KIF6: variants seen among roughly 807,000 people sequenced by gnomAD.
KIF6 encodes the protein kinesin family member 6.
KIF6 carries 106 observed loss-of-function variants against 112.7 expected under a neutral mutation model. The ratio of observed to expected loss-of-function variants is 0.94; its 90% CI spans 0.80 to 1.11. The LOEUF (loss-of-function observed/expected upper bound fraction) is 1.11, where lower values mean the gene tolerates loss of function less well. Among genes scored for constraint, KIF6 ranks in the 50% least tolerant of loss-of-function variants. The pLI is 0.00. For synonymous variants in KIF6, 339 were observed against 339.9 expected, an observed-to-expected ratio of 1.00 and a Z score of 0.03; for missense variants, 929 against 964.0, an observed-to-expected ratio of 0.96 and a Z score of 0.48.
intron 14 of KIF6, among the ~76,000 whole-genome samples, chr6:39,422,055 C>T (rs946642335): frequency 6.6e-6 from 1 of 152,146 alleles, no homozygotes; most frequent in African/African-American, 2.4e-5. Context: ...AGTGACTCCT[C>T]CCATTTCCTG....
intron 3 of KIF6, among the ~76,000 whole-genome samples, chr6:39,643,424 TA>T (rs1335989395): frequency 7.2e-5 from 11 of 152,288 alleles, no homozygotes; most frequent in African/African-American, 2.6e-4. Context: ...CAAAACCTAC[TA>T]CAAAGCTAGA....
intron 15 of KIF6, among the ~76,000 whole-genome samples, chr6:39,400,790 A>G (rs1434575990): frequency 2.0e-5 from 3 of 152,238 alleles, no homozygotes; most frequent in Non-Finnish European, 2.9e-5. Context: ...AGTCAAGGGT[A>G]TCAATGAAGA....
At chr6:39,565,073 T>C (rs1780208878) in intron 10 of KIF6, among the ~76,000 whole-genome samples, 1 of 152,230 alleles carries the variant, frequency 6.6e-6, no homozygotes, top group Non-Finnish European at 1.5e-5. Flanking sequence ...AAAAGCAAAG[T>C]GTCTAATTCT....
intron 13 of KIF6, among the ~76,000 whole-genome samples, chr6:39,464,592 G>C (rs921158594): frequency 3.3e-5 from 5 of 152,114 alleles, no homozygotes; most frequent in African/African-American, 1.2e-4. Flanking sequence ...GCAGCCACTT[G>C]CCTCCTCCTC....
chr6:39,479,953 G>A (rs1774691110), intron 13 of KIF6, among the ~76,000 whole-genome samples: 1 of 152,060 alleles, frequency 6.6e-6, no homozygotes, highest in Admixed American at 6.6e-5. Context: ...ATTTTATGGG[G>A]GAGTCTTTAG....
At chr6:39,477,331 C>A (rs557781312) in intron 13 of KIF6, among the ~76,000 whole-genome samples, 30 of 152,110 alleles carry the variant, frequency 2.0e-4, no homozygotes, top group African/African-American at 7.0e-4. Context: ...TAAATGCATG[C>A]GGATTTTGAT....
At chr6:39,365,403 G>A (rs1269793391) in intron 16 of KIF6, among the ~76,000 whole-genome samples, 1 of 152,132 alleles carries the variant, frequency 6.6e-6, no homozygotes, top group African/African-American at 2.4e-5. Flanking sequence ...AGCCCCCCAA[G>A]TCTCAGGCAC....
intron 16 of KIF6, among the ~76,000 whole-genome samples, chr6:39,379,176 A>G (rs1388883903): frequency 2.0e-5 from 3 of 152,206 alleles, no homozygotes; most frequent in Admixed American, 6.5e-5. Flanking sequence ...AATGAAAACT[A>G]TGTAACTCTG....
At chr6:39,608,507 C>G (rs1193065929) in intron 6 of KIF6, among the ~76,000 whole-genome samples, 1 of 152,170 alleles carries the variant, frequency 6.6e-6, no homozygotes, top group African/African-American at 2.4e-5. Context: ...ACAGTTTCTA[C>G]TGCATGCATA....
chr6:39,617,783 GTCAAGAGCAGGTGGGCCTCA>G (rs1268209158), intron 5 of KIF6: 1 of 454,212 alleles, frequency 2.2e-6, no homozygotes, highest in East Asian at 7.0e-5. Context: ...CTAGAGCAAT[GTCAAGAGCAGGTGGGCCTCA>G]TGACAATGGG....
At chr6:39,454,027 G>A (rs1464516303) in intron 13 of KIF6, among the ~76,000 whole-genome samples, 1 of 152,128 alleles carries the variant, frequency 6.6e-6, no homozygotes, top group Non-Finnish European at 1.5e-5. Context: ...AAAAGAAATA[G>A]AAAGAAGTGT....
At chr6:39,565,629 C>T (rs1411518767) in intron 10 of KIF6, among the ~76,000 whole-genome samples, 1 of 152,160 alleles carries the variant, frequency 6.6e-6, no homozygotes, top group Non-Finnish European at 1.5e-5. Flanking sequence ...TTCACTAATA[C>T]AAAAATTTGG....
intron 10 of KIF6, among the ~76,000 whole-genome samples, chr6:39,576,188 G>A (rs1044573259): frequency 3.3e-5 from 5 of 151,964 alleles, no homozygotes; most frequent in South Asian, 2.1e-4. Context: ...GCAATGGTGC[G>A]ATCTCGGATC....
In KIF6 at chr6:39,346,509, A is replaced by G; in HGVS notation, c.2198T>C (p.Val733Ala). 2 of 714,032 alleles carry G rather than the reference A, an allele frequency of 2.8e-6. No individual in the cohort carries two copies. Among genetic ancestry groups the G allele is most frequent in the Non-Finnish European group, 5.2e-6 (2 of 384,970 alleles). 44.2% of individuals were successfully genotyped at this position (714,032 alleles called of 1,614,324 possible). ...LSNKSSGGWE[V>A]QDQGTGRFDV... ...GAATCTGCCAGTGCCTTGATCTTGGACTTCCCAGCCTCCAGAACTGTGAAA... is the reference window on the plus strand; with the variant it reads ...GAATCTGCCAGTGCCTTGATCTTGGGCTTCCCAGCCTCCAGAACTGTGAAA... Residue 733 changes from valine (V) to alanine (A), a missense_variant, in exon 20 of 23, where the codon GTC becomes GCC. Transcript: ENST00000287152.
chr6:39,682,837 C>G (rs1349339409), intron 3 of KIF6, among the ~76,000 whole-genome samples: 2 of 150,542 alleles, frequency 1.3e-5, no homozygotes, highest in Non-Finnish European at 3.0e-5. Flanking sequence ...CTCAGCCTCC[C>G]AAAATGCTGG....
chr6:39,708,792 G>A (rs1789362971), intron 3 of KIF6, among the ~76,000 whole-genome samples: 1 of 151,932 alleles, frequency 6.6e-6, no homozygotes, highest in African/African-American at 2.4e-5. Flanking sequence ...GGGCACTCAA[G>A]GATAATGTAC....
At chr6:39,506,578 A>AGCTC (rs1361687289) in intron 13 of KIF6, among the ~76,000 whole-genome samples, 3 of 152,212 alleles carry the variant, frequency 2.0e-5, no homozygotes, top group Non-Finnish European at 4.4e-5. Flanking sequence ...CCTGACACAG[A>AGCTC]GCTCCTAAAA....
intron 13 of KIF6, among the ~76,000 whole-genome samples, chr6:39,509,483 A>G (rs931944394): frequency 6.6e-6 from 1 of 152,214 alleles, no homozygotes; most frequent in Non-Finnish European, 1.5e-5. Context: ...AAAACCTTGA[A>G]AAAAGGTTAG....
intron 13 of KIF6, among the ~76,000 whole-genome samples, chr6:39,469,503 A>G (rs1773993056): frequency 6.6e-6 from 1 of 152,164 alleles, no homozygotes; most frequent in Admixed American, 6.5e-5. Flanking sequence ...AAAGCTAAAC[A>G]GGCTATGTTA....
Sources: gnomAD v4.1 joint callset for allele counts (sites outside exome capture counted in the v4.1 genomes callset) on GRCh38, gnomAD v4.1.1 for gene constraint, MANE v1.5 for transcripts, NCBI Gene and HGNC (gene_info 2026-07-23, HGNC 2026-07-21) for gene names.